The following NPSR1 variants were observed in gnomAD, a reference collection of about 807,000 sequenced individuals.
The protein encoded by NPSR1 is neuropeptide S receptor 1, also known as neuropeptide S receptor.
NPSR1 carries 48 observed loss-of-function variants against 46.9 expected under a neutral mutation model. The observed-to-expected ratio is 1.02, with a 90% CI of 0.81 to 1.30. The LOEUF (loss-of-function observed/expected upper bound fraction) is 1.30, where lower values mean the gene tolerates loss of function less well. Ranked by LOEUF, NPSR1 falls within the 50% of genes most tolerant of loss-of-function variation. NPSR1 has a pLI of 0.00. For missense variants in NPSR1, 450 were observed against 449.5 expected, an observed-to-expected ratio of 1.00 and a Z score of -0.01; for synonymous variants, 176 against 168.1, an observed-to-expected ratio of 1.05 and a Z score of -0.36.
intron 3 of NPSR1, among the ~76,000 whole-genome samples, chr7:34,788,634 G>A (rs915456504): frequency 6.6e-6 from 1 of 151,926 alleles, no homozygotes; most frequent in South Asian, 2.1e-4. Flanking sequence ...AATATATATG[G>A]ACCCTACACT....
intron 2 of NPSR1, among the ~76,000 whole-genome samples, chr7:34,725,617 C>CA (rs1216758756): frequency 6.6e-6 from 1 of 152,180 alleles, no homozygotes. Context: ...AGAATGTGGG[C>CA]AAAATCTAGT....
chr7:34,832,507 C>A (rs1790165929), intron 5 of NPSR1, among the ~76,000 whole-genome samples: 1 of 152,064 alleles, frequency 6.6e-6, no homozygotes, highest in African/African-American at 2.4e-5. Flanking sequence ...GAGCAAAACC[C>A]TGTGTCCAAA....
At chr7:34,805,850 A>T (rs1439347568) in intron 3 of NPSR1, among the ~76,000 whole-genome samples, 2 of 152,056 alleles carry the variant, frequency 1.3e-5, no homozygotes, top group Non-Finnish European at 2.9e-5. Context: ...ATAAGAAAAC[A>T]ACTCATTTCA....
intron 2 of NPSR1, among the ~76,000 whole-genome samples, chr7:34,734,817 A>G (rs1784592564): frequency 6.6e-6 from 1 of 152,222 alleles, no homozygotes; most frequent in South Asian, 2.1e-4. Context: ...GTTTGATAAT[A>G]ATTAACAGAT....
At chr7:34,774,177 A>G (rs1331051189) in intron 2 of NPSR1, among the ~76,000 whole-genome samples, 1 of 152,182 alleles carries the variant, frequency 6.6e-6, no homozygotes, top group Non-Finnish European at 1.5e-5. Flanking sequence ...ATTCAGCTGT[A>G]CTTCAGTGAT....
intron 1 of NPSR1, among the ~76,000 whole-genome samples, chr7:34,684,262 T>C (rs1173573571): frequency 2.0e-5 from 3 of 152,226 alleles, no homozygotes; most frequent in Non-Finnish European, 2.9e-5. Flanking sequence ...GACAGGGGTG[T>C]TCTTTTTCAC....
Position 34,739,785 on chromosome 7 carries a change from C to T in NPSR1, c.281-38677C>T, listed in dbSNP as rs116779345. On this transcript the variant is annotated intron_variant, in intron 2 of 8. Transcript: ENST00000360581. ...TCTGTGGGTCTCTCAGCCATGGATA[C>T]TAGCACCTGCTCTGGTGCAGGTGGC... Among the ~76,000 whole-genome samples, 1,244 of 152,296 alleles carry T rather than the reference C, an allele frequency of 8.2e-3. 20 individuals are homozygous for T. The highest frequency in any genetic ancestry group is 0.028 in the African/African-American group (1,171 of 41,568).
In NPSR1 at chr7:34,762,300, C is replaced by T. The variant is rs535971687; in HGVS notation, c.281-16162C>T. Among the ~76,000 whole-genome samples, 114 of 152,214 alleles carry T rather than the reference C, an allele frequency of 7.5e-4. 1 individual carries two copies. The highest frequency in any genetic ancestry group is 9.6e-4 in the Non-Finnish European group (65 of 68,016). ...CACTTCCCCAGGATTAATAAAGAGC[C>T]GGGGAGTTGACAGTTTAGACCATTA... On this transcript the variant is annotated intron_variant, in intron 2 of 8. Coordinates refer to ENST00000360581, the MANE Select transcript of NPSR1 (RefSeq NM_207172.2).
At chr7:34,790,792 ATGTT>A (rs1787736082) in intron 3 of NPSR1, among the ~76,000 whole-genome samples, 2 of 111,938 alleles carry the variant, frequency 1.8e-5, no homozygotes, top group African/African-American at 7.4e-5. Context: ...TGTTATATAT[ATGTT>A]ATAGGTTATA....
intron 3 of NPSR1, among the ~76,000 whole-genome samples, chr7:34,792,164 T>A (rs1787912242): frequency 6.6e-6 from 1 of 152,136 alleles, no homozygotes; most frequent in Non-Finnish European, 1.5e-5. Flanking sequence ...GCAGTGATTT[T>A]TTTGGATAAG....
chr7:34,700,654 TCA>T (rs1793781824), intron 2 of NPSR1, among the ~76,000 whole-genome samples: 1 of 152,180 alleles, frequency 6.6e-6, no homozygotes, highest in Non-Finnish European at 1.5e-5. Flanking sequence ...TTCCACAAAC[TCA>T]CCTCTTTGAA....
intron 3 of NPSR1, among the ~76,000 whole-genome samples, chr7:34,783,922 G>T (rs1436872457): frequency 6.6e-6 from 1 of 151,888 alleles, no homozygotes; most frequent in Middle Eastern, 3.2e-3. Flanking sequence ...TGTCCTTTAG[G>T]AATCAAGTAG....
At position 34,844,928 on chromosome 7, in the gene NPSR1, C is replaced by A; in HGVS notation, c.790C>A (p.Leu264Ile). 6.2e-7 allele frequency: 1 copy of A among 1,612,662 alleles called. No individual in the cohort carries two copies. The highest frequency in any genetic ancestry group is 1.1e-5 in the South Asian group (1 of 91,066). Reference sequence around the variant, plus strand: ...ACTGTGCAGCAGCTATAACCGAGGACTCATCTCAAAGGCAAAAATCAAGGC... The same window carrying A: ...ACTGTGCAGCAGCTATAACCGAGGAATCATCTCAAAGGCAAAAATCAAGGC... Reference protein sequence around the residue: ...GKLCSSYNRGLISKAKIKAIK... With the variant: ...GKLCSSYNRGIISKAKIKAIK... Residue 264 changes from leucine to isoleucine, a missense_variant, in exon 7 of 9, where the codon CTC (leucine) becomes ATC (isoleucine). By Grantham distance (5) the Leu-to-Ile change is conservative (BLOSUM62 2). Coordinates refer to ENST00000360581, the MANE Select transcript of NPSR1 (RefSeq NM_207172.2).
intron 6 of NPSR1, among the ~76,000 whole-genome samples, chr7:34,840,671 C>T (rs1014040192): frequency 1.3e-5 from 2 of 152,170 alleles, no homozygotes; most frequent in Non-Finnish European, 2.9e-5. Flanking sequence ...TTTGAAGTGA[C>T]TGTGGCTGTG....
intron 1 of NPSR1, among the ~76,000 whole-genome samples, chr7:34,677,592 A>G (rs1465127099): frequency 6.6e-6 from 1 of 152,212 alleles, no homozygotes; most frequent in Non-Finnish European, 1.5e-5. Flanking sequence ...ATTCCCTTCC[A>G]CCTGCTGGAA....
At chr7:34,836,472 T>C (rs1790374490) in intron 6 of NPSR1, among the ~76,000 whole-genome samples, 2 of 152,152 alleles carry the variant, frequency 1.3e-5, no homozygotes, top group South Asian at 4.1e-4. Context: ...AACTGTTTAA[T>C]TACTAATGTT....
chr7:34,765,780 C>T (rs1196058504), intron 2 of NPSR1, among the ~76,000 whole-genome samples: 13 of 152,184 alleles, frequency 8.5e-5, no homozygotes, highest in Non-Finnish European at 1.5e-5. Context: ...GGCCATTATC[C>T]TAAGTGAATT....
At chr7:34,823,364 C>A (rs1274239593) in intron 4 of NPSR1, among the ~76,000 whole-genome samples, 3 of 137,178 alleles carry the variant, frequency 2.2e-5, no homozygotes, top group Admixed American at 1.6e-4. Flanking sequence ...TGCACTCTAG[C>A]CCTCTAGCAT....
chr7:34,728,850 T>C (rs1203115025), intron 2 of NPSR1: 1 of 152,684 alleles, frequency 6.5e-6, no homozygotes, highest in African/African-American at 2.4e-5. Flanking sequence ...AGATTAAATG[T>C]CTGTAAATTT....
Sources: gnomAD v4.1 joint callset for allele counts (sites outside exome capture counted in the v4.1 genomes callset) on GRCh38, gnomAD v4.1.1 for gene constraint, MANE v1.5 for transcripts, NCBI Gene and HGNC (gene_info 2026-07-23, HGNC 2026-07-21) for gene names.